Variants in WDR48 observed in about 807,000 individuals in gnomAD.
The protein encoded by WDR48 is WD repeat domain 48.
WDR48 carries 22 observed loss-of-function variants against 94.0 expected under a neutral mutation model. That is an observed-to-expected ratio of 0.23 (90% CI 0.17 to 0.33). The LOEUF (loss-of-function observed/expected upper bound fraction) is 0.33. WDR48 is among the 10% of genes least tolerant of loss of function. WDR48 has a pLI of 1.00. For missense variants in WDR48, 541 were observed against 813.8 expected (o/e 0.66, Z 4.08); for synonymous variants, 278 against 280.5 (o/e 0.99, Z 0.09).
At position 39,095,209 on chromosome 3, in the gene WDR48, T is replaced by G. The variant is rs951461523; in HGVS notation, c.*466T>G. 7.6e-5 allele frequency: 12 copies of G among 157,838 alleles called. No individual in the cohort carries two copies. Among genetic ancestry groups the G allele is most frequent in the Admixed American group, 6.2e-5 (1 of 16,192 alleles). 9.8% of individuals were successfully genotyped at this position (157,838 alleles called of 1,614,324 possible). ...GAAGGCTTTTTCCAAGTTTGTCATA[T>G]AAAGTAATCAAATTGTTTTCACCGT... is the stretch of plus-strand genomic sequence containing the variant. On this transcript the variant is annotated 3_prime_UTR_variant, in exon 19 of 19. Coordinates refer to ENST00000302313, the MANE Select transcript of WDR48 (RefSeq NM_020839.4).
At chr3:39,071,810 A>G (rs2033949472) in intron 7 of WDR48, among the ~76,000 whole-genome samples, 1 of 152,254 alleles carries the variant, frequency 6.6e-6, no homozygotes, top group Non-Finnish European at 1.5e-5. Flanking sequence ...TGAATTGATC[A>G]ACAAAAAACT....
chr3:39,057,757 G>A (rs921003798), intron 1 of WDR48, among the ~76,000 whole-genome samples: 5 of 152,010 alleles, frequency 3.3e-5, no homozygotes, highest in African/African-American at 9.7e-5. Context: ...TGACTAGCTG[G>A]GACTACAGGT....
intron 1 of WDR48, among the ~76,000 whole-genome samples, chr3:39,060,222 C>T (rs1252633066): frequency 6.6e-6 from 1 of 152,112 alleles, no homozygotes; most frequent in South Asian, 2.1e-4. Context: ...AATTACTCCC[C>T]GTTTTTCATT....
At chr3:39,052,404 T>G (rs1165815583) in intron 1 of WDR48, 1 of 278,798 alleles carries the variant, frequency 3.6e-6, no homozygotes, top group East Asian at 9.9e-5. Flanking sequence ...TGCCCTGTCT[T>G]TCTTCGAAGC....
rs2035262501 is a variant in WDR48 at position 39,094,825 on chromosome 3, C to A, written c.*82C>A. 1 of 1,534,784 alleles carries A rather than the reference C, an allele frequency of 6.5e-7. No individual in the cohort carries two copies. The highest frequency in any genetic ancestry group is 8.8e-7 in the Non-Finnish European group (1 of 1,133,752). Reference sequence around the variant, plus strand: ...GTAGTCCTAGGAAGCCCACTGATCCCCAACGGGAGCAAGACTTCTAACGGC... The same window carrying A: ...GTAGTCCTAGGAAGCCCACTGATCCACAACGGGAGCAAGACTTCTAACGGC... On this transcript the variant is annotated 3_prime_UTR_variant, in exon 19 of 19. Transcript: ENST00000302313.
At chr3:39,094,453 T>TAGTC (rs977304356) in intron 18 of WDR48, 195 bp from the exon 19 acceptor site, 11 of 1,532,586 alleles carry the variant, frequency 7.2e-6, no homozygotes, top group Middle Eastern at 1.7e-4. Context: ...GTTTCTGGCA[T>TAGTC]AGTCACAAAA....
intron 2 of WDR48, 100 bp from the exon 3 acceptor site, chr3:39,065,711 A>G: frequency 1.2e-6 from 1 of 809,558 alleles, no homozygotes; most frequent in Non-Finnish European, 1.9e-6. Flanking sequence ...TAATGCCTAG[A>G]GCAGTATGTC....
chr3:39,073,267 C>T (rs141514426), intron 7 of WDR48, among the ~76,000 whole-genome samples: 15 of 152,256 alleles, frequency 9.9e-5, no homozygotes, highest in Middle Eastern at 3.4e-3. Context: ...TTGCTCCTGA[C>T]GTTTGCTTTA....
intron 1 of WDR48, among the ~76,000 whole-genome samples, chr3:39,056,918 A>AG (rs1389973586): frequency 1.3e-5 from 2 of 152,218 alleles, no homozygotes; most frequent in African/African-American, 4.8e-5. Context: ...GCAGATCTAG[A>AG]GGGCAGTCAG....
chr3:39,088,016 G>T, intron 14 of WDR48, 112 bp from the exon 15 acceptor site: 2 of 972,070 alleles, frequency 2.1e-6, no homozygotes, highest in South Asian at 3.1e-5. Context: ...GGTGGACTTA[G>T]AGGACATTTG....
intron 1 of WDR48, among the ~76,000 whole-genome samples, chr3:39,052,961 C>A (rs2032567076): frequency 1.3e-5 from 2 of 152,120 alleles, no homozygotes; most frequent in African/African-American, 4.8e-5. Flanking sequence ...GCATGGCACA[C>A]GTATACCTAT....
At chr3:39,057,267 A>G (rs1452969613) in intron 1 of WDR48, among the ~76,000 whole-genome samples, 1 of 152,216 alleles carries the variant, frequency 6.6e-6, no homozygotes, top group Non-Finnish European at 1.5e-5. Flanking sequence ...TAGCATGAGT[A>G]AATCGATAAT....
At position 39,084,073 on chromosome 3, in the gene WDR48, A is replaced by G. The variant is rs555449480; in HGVS notation, c.1174-82A>G. On this transcript the variant is annotated intron_variant, in intron 11 of 18. Transcript: ENST00000302313. Reference sequence around the variant, plus strand: ...GTTTCACTTAGACACATGTGAAAATATGTAAAATTTTGAATAGCAAAGTCA... The same window carrying G: ...GTTTCACTTAGACACATGTGAAAATGTGTAAAATTTTGAATAGCAAAGTCA... 48 of 1,015,442 alleles carry G rather than the reference A, an allele frequency of 4.7e-5. No homozygotes were observed. In the African/African-American group the frequency reaches 7.4e-4, roughly 16 times the overall value. The allele number at this position is 1,015,442 out of a possible 1,614,324, so 62.9% of individuals were successfully genotyped here.
Position 39,066,853 on chromosome 3 carries a change from T to G in WDR48, c.459T>G (p.Thr153=), listed in dbSNP as rs1302272282. Residue 153 remains threonine (T), a synonymous_variant, in exon 5 of 19, where the codon ACT becomes ACG. Coordinates refer to ENST00000302313, the MANE Select transcript of WDR48 (RefSeq NM_020839.4). ...LWDVNTLTAL[T]ASNNTVTTSS... is the part of the protein sequence containing the mutation. ...ATGTGAATACTCTAACAGCATTGACTGCCTCAAATAACACTGTCACAAGTA... is the reference window on the plus strand; with the variant it reads ...ATGTGAATACTCTAACAGCATTGACGGCCTCAAATAACACTGTCACAAGTA... 3.7e-6 allele frequency: 6 copies of G among 1,613,830 alleles called. No individual in the cohort carries two copies. In the African/African-American group the frequency reaches 8.0e-5, roughly 22 times the overall value.
At position 39,052,372 on chromosome 3, in the gene WDR48, C is replaced by G. The variant is rs961389397; in HGVS notation, c.48+299C>G. Reference sequence around the variant, plus strand: ...CTTGCGGGGTCGGGATAGGCTCGTTCCCCGCCCACTTGCCTCCCCCTTGCC... The same window carrying G: ...CTTGCGGGGTCGGGATAGGCTCGTTGCCCGCCCACTTGCCTCCCCCTTGCC... On this transcript the variant is annotated intron_variant, in intron 1 of 18. Coordinates refer to ENST00000302313, the MANE Select transcript of WDR48 (RefSeq NM_020839.4). 15 of 366,248 alleles carry G rather than the reference C, an allele frequency of 4.1e-5. 1 individual carries two copies. Among genetic ancestry groups the G allele is most frequent in the South Asian group, 2.6e-4 (9 of 34,754 alleles). 22.7% of individuals were successfully genotyped at this position (366,248 alleles called of 1,614,324 possible).
intron 5 of WDR48, 37 bp downstream of exon 5, chr3:39,066,912 C>A: frequency 6.3e-7 from 1 of 1,597,314 alleles, no homozygotes; most frequent in Non-Finnish European, 8.5e-7. Flanking sequence ...GAAAGTGATC[C>A]AAGTTAACAT....
chr3:39,082,324 C>T (rs562780436), intron 11 of WDR48, among the ~76,000 whole-genome samples: 1 of 151,854 alleles, frequency 6.6e-6, no homozygotes, highest in South Asian at 2.1e-4. Context: ...TTCTGTTGCC[C>T]CGGCTGGAGT....
intron 1 of WDR48, among the ~76,000 whole-genome samples, chr3:39,061,030 C>T (rs1051391973): frequency 6.6e-6 from 1 of 152,012 alleles, no homozygotes; most frequent in African/African-American, 2.4e-5. Context: ...TAGAAAAATT[C>T]GTTTTTGGTT....
Position 39,060,834 on chromosome 3 carries a change from G to A in WDR48, c.49-2216G>A, listed in dbSNP as rs147423271. On this transcript the variant is annotated intron_variant, in intron 1 of 18. Coordinates refer to ENST00000302313, the MANE Select transcript of WDR48 (RefSeq NM_020839.4). ...ATGCAAAAATCAGCTGGGCACAGTG[G>A]CATATGCCTGTAATCCCAGCTACTC... Among the ~76,000 whole-genome samples the A allele has an allele frequency of 4.1e-3, 623 of 152,260 alleles. 9 individuals are homozygous for A. The highest frequency in any genetic ancestry group is 0.014 in the African/African-American group (591 of 41,544).
Sources: allele counts gnomAD v4.1 joint callset (sites outside exome capture counted in the v4.1 genomes callset), GRCh38; gene constraint gnomAD v4.1.1; transcripts MANE v1.5; gene names NCBI Gene and HGNC (gene_info 2026-07-23, HGNC 2026-07-21).